Variants in LGR5 observed in about 807,000 individuals in gnomAD.
The protein encoded by LGR5 is leucine-rich repeat-containing G protein-coupled receptor 5.
Under a neutral mutation model 76.7 loss-of-function variants are expected in LGR5, and 54 were observed. The ratio of observed to expected loss-of-function variants is 0.70; its 90% CI spans 0.57 to 0.88. The LOEUF is 0.88. Ranked by LOEUF, LGR5 falls within the 40% of genes least tolerant of loss-of-function variation. The probability of loss-of-function intolerance (pLI) is 0.00; values close to 1 mark genes in which losing one functional copy is unlikely to be tolerated. For missense variants in LGR5, 1,078 were observed against 1,073.3 expected, an observed-to-expected ratio of 1.00 and a Z score of -0.06; for synonymous variants, 406 against 421.9, an observed-to-expected ratio of 0.96 and a Z score of 0.46.
chr12:71,547,262 T>C (rs1877228701), intron 4 of LGR5, among the ~76,000 whole-genome samples: 1 of 152,228 alleles, frequency 6.6e-6, no homozygotes, highest in Non-Finnish European at 1.5e-5. Flanking sequence ...AAGATGTGCA[T>C]CCTCTTTTCT....
chr12:71,486,820 T>C (rs1873848329), intron 1 of LGR5, among the ~76,000 whole-genome samples: 2 of 150,416 alleles, frequency 1.3e-5, no homozygotes, highest in Non-Finnish European at 3.0e-5. Context: ...CGGAGACTTC[T>C]AGCTGAGAAA....
intron 1 of LGR5, among the ~76,000 whole-genome samples, chr12:71,490,172 G>T (rs754053636): frequency 3.1e-4 from 47 of 151,810 alleles, no homozygotes; most frequent in Non-Finnish European, 1.5e-5. Context: ...GTAACTATTT[G>T]GTTTTGGCTA....
At chr12:71,573,984 A>C (rs115644016) in intron 13 of LGR5, among the ~76,000 whole-genome samples, 41 of 151,976 alleles carry the variant, frequency 2.7e-4, no homozygotes, top group African/African-American at 9.4e-4. Context: ...TCCTAACCCT[A>C]ACCCTTATTC....
intron 4 of LGR5, among the ~76,000 whole-genome samples, chr12:71,550,967 C>T (rs1179623478): frequency 6.6e-6 from 1 of 152,190 alleles, no homozygotes; most frequent in African/African-American, 2.4e-5. Flanking sequence ...GAGCATAAGC[C>T]AGGCACATTG....
intron 8 of LGR5, among the ~76,000 whole-genome samples, chr12:71,563,196 C>G (rs1404601581): frequency 6.6e-6 from 1 of 152,140 alleles, no homozygotes; most frequent in Non-Finnish European, 1.5e-5. Flanking sequence ...CCCATAAACT[C>G]TCCTCTCCTT....
intron 1 of LGR5, among the ~76,000 whole-genome samples, chr12:71,499,636 T>C (rs1161807977): frequency 1.3e-5 from 2 of 152,108 alleles, no homozygotes; most frequent in African/African-American, 4.8e-5. Flanking sequence ...GTTGGACAGG[T>C]TGTATCCTGC....
At chr12:71,508,763 A>C (rs909467060) in intron 2 of LGR5, among the ~76,000 whole-genome samples, 6 of 151,072 alleles carry the variant, frequency 4.0e-5, no homozygotes, top group Non-Finnish European at 5.9e-5. Flanking sequence ...AAAAAAAAAA[A>C]AAAAAAAAAA....
chr12:71,500,783 C>T (rs1236055855), intron 1 of LGR5, among the ~76,000 whole-genome samples: 2 of 151,994 alleles, frequency 1.3e-5, no homozygotes, highest in African/African-American at 2.4e-5. Context: ...TTTTTTAAAG[C>T]TCCTGGGTTG....
At chr12:71,529,305 A>G (rs1876177787) in intron 3 of LGR5, among the ~76,000 whole-genome samples, 1 of 152,276 alleles carries the variant, frequency 6.6e-6, no homozygotes, top group Non-Finnish European at 1.5e-5. Context: ...GAAACTTACA[A>G]TCATGGCAGA....
chr12:71,525,105 A>G (rs1175595117), intron 3 of LGR5, among the ~76,000 whole-genome samples: 2 of 152,064 alleles, frequency 1.3e-5, no homozygotes, highest in East Asian at 1.9e-4. Context: ...ATTTTCTTTT[A>G]GTTTGTTCTG....
intron 1 of LGR5, among the ~76,000 whole-genome samples, chr12:71,466,149 A>G (rs1348168700): frequency 6.6e-6 from 1 of 152,256 alleles, no homozygotes; most frequent in Non-Finnish European, 1.5e-5. Context: ...TGCTATGAGG[A>G]TTATCCATTG....
At chr12:71,473,127 A>C (rs1045119394) in intron 1 of LGR5, among the ~76,000 whole-genome samples, 16 of 152,146 alleles carry the variant, frequency 1.1e-4, no homozygotes, top group African/African-American at 3.6e-4. Flanking sequence ...CCACCCTCAA[A>C]GAGATTACAA....
At position 71,578,802 on chromosome 12, in the gene LGR5, A is replaced by G; in HGVS notation, c.1281-2A>G. ...AGCCAATTGTTGTTTGATGTTTTGCAGGGACCTATCGTCCAACCTCCTGTC... is the reference window on the plus strand; with the variant it reads ...AGCCAATTGTTGTTTGATGTTTTGCGGGGACCTATCGTCCAACCTCCTGTC... On this transcript the variant is annotated splice_acceptor_variant, in intron 14 of 17. Transcript: ENST00000266674. LOFTEE classifies it high-confidence loss of function. 6.3e-7 allele frequency: 1 copy of G among 1,598,212 alleles called. No individual in the cohort carries two copies. Among genetic ancestry groups the G allele is most frequent in the Non-Finnish European group, 8.5e-7 (1 of 1,173,848 alleles).
intron 1 of LGR5, among the ~76,000 whole-genome samples, chr12:71,494,090 C>T (rs7300506): frequency 0.51 from 76,313 of 149,584 alleles, 20,707 homozygotes; most frequent in East Asian, 0.85. Context: ...ACTACAGGCA[C>T]CTGCCACCAT....
chr12:71,461,015 A>C (rs1200042430), intron 1 of LGR5, among the ~76,000 whole-genome samples: 3 of 152,156 alleles, frequency 2.0e-5, no homozygotes, highest in Non-Finnish European at 4.4e-5. Flanking sequence ...TCTTCCCAGG[A>C]ATTGTTCCTT....
chr12:71,532,242 G>A (rs2137360622), intron 3 of LGR5, among the ~76,000 whole-genome samples: 1 of 152,234 alleles, frequency 6.6e-6, no homozygotes, highest in South Asian at 2.1e-4. Flanking sequence ...TTGGGAAAAT[G>A]TAAAATAACA....
chr12:71,546,927 G>T (rs1043237415), intron 4 of LGR5, among the ~76,000 whole-genome samples: 3 of 152,170 alleles, frequency 2.0e-5, no homozygotes, highest in African/African-American at 7.2e-5. Context: ...GGGTGAACTT[G>T]ATGGTTTTGA....
intron 1 of LGR5, among the ~76,000 whole-genome samples, chr12:71,460,730 T>C (rs1872654932): frequency 6.6e-6 from 1 of 152,118 alleles, no homozygotes; most frequent in Admixed American, 6.6e-5. Context: ...TTGTTTATTT[T>C]CTCAGGAATC....
intron 6 of LGR5, among the ~76,000 whole-genome samples, chr12:71,557,087 C>G (rs1877807217): frequency 6.6e-6 from 1 of 152,172 alleles, no homozygotes; most frequent in South Asian, 2.1e-4. Context: ...ACAGGCATCT[C>G]TTTAGGAAAC....
Sources: gnomAD v4.1 joint callset for allele counts (sites outside exome capture counted in the v4.1 genomes callset) on GRCh38, gnomAD v4.1.1 for gene constraint, MANE v1.5 for transcripts, NCBI Gene and HGNC (gene_info 2026-07-23, HGNC 2026-07-21) for gene names.